The following SCN11A variants were observed in gnomAD, a reference collection of about 807,000 sequenced individuals.
SCN11A encodes sodium voltage-gated channel alpha subunit 11.
SCN11A carries 122 observed loss-of-function variants against 162.2 expected under a neutral mutation model. The ratio of observed to expected loss-of-function variants is 0.75; its 90% CI spans 0.65 to 0.87. The LOEUF (loss-of-function observed/expected upper bound fraction) is 0.87. SCN11A is among the 40% of genes least tolerant of loss of function. The pLI, the probability that SCN11A is intolerant of heterozygous loss-of-function variation, is 0.00. For synonymous variants in SCN11A, 758 were observed against 751.5 expected, an observed-to-expected ratio of 1.01 and a Z score of -0.14; for missense variants, 2,015 against 2,181.6, an observed-to-expected ratio of 0.92 and a Z score of 1.52.
intron 1 of SCN11A, among the ~76,000 whole-genome samples, chr3:39,039,783 T>C (rs745449341): frequency 6.6e-6 from 1 of 151,918 alleles, no homozygotes; most frequent in Non-Finnish European, 1.5e-5. Flanking sequence ...TCAGCCCACC[T>C]AGAGGCTGTC....
chr3:38,967,506 G>A (rs375664054), intron 2 of SCN11A, among the ~76,000 whole-genome samples: 33 of 152,246 alleles, frequency 2.2e-4, no homozygotes, highest in Middle Eastern at 3.4e-3. Flanking sequence ...TCTATTTTCA[G>A]GAGTTCATTT....
chr3:38,912,642 T>A (rs2065901468), intron 11 of SCN11A, among the ~76,000 whole-genome samples: 1 of 152,118 alleles, frequency 6.6e-6, no homozygotes, highest in African/African-American at 2.4e-5. Context: ...CCCTTCATCC[T>A]CAAGTAGGTC....
intron 7 of SCN11A, among the ~76,000 whole-genome samples, chr3:38,929,104 C>T (rs557146468): frequency 9.4e-4 from 131 of 139,936 alleles, no homozygotes; most frequent in South Asian, 6.9e-3. Context: ...TTTTATATTC[C>T]CACACTGTCA....
Position 38,908,132 on chromosome 3 carries a change from G to T in SCN11A, c.1300-10C>A. ...CCATGGCAACCAGAGCCTTCAAATTGAACAAAAGCAATTAAAGAACAGATT... is the reference window on the plus strand; with the variant it reads ...CCATGGCAACCAGAGCCTTCAAATTTAACAAAAGCAATTAAAGAACAGATT... On this transcript the variant is annotated splice_polypyrimidine_tract_variant and intron_variant, in intron 13 of 29. Coordinates refer to ENST00000302328, the MANE Select transcript of SCN11A (RefSeq NM_001349253.2). 4 of 1,606,128 alleles carry T rather than the reference G, an allele frequency of 2.5e-6. No homozygotes were observed. The South Asian group carries it at 3.4e-5, about 14-fold the overall frequency.
intron 27 of SCN11A, among the ~76,000 whole-genome samples, chr3:38,864,709 A>G (rs539337598): frequency 6.6e-6 from 1 of 152,284 alleles, no homozygotes; most frequent in East Asian, 1.9e-4. Flanking sequence ...ACAAAGAAAC[A>G]AACAGTTTTT....
At chr3:38,865,664 T>C (rs777027833) in intron 27 of SCN11A, among the ~76,000 whole-genome samples, 6 of 152,124 alleles carry the variant, frequency 3.9e-5, no homozygotes, top group Non-Finnish European at 5.9e-5. Flanking sequence ...AAAATACTAA[T>C]GTCTATAAGT....
Position 38,908,089 on chromosome 3 carries a change from G to T in SCN11A, c.1333C>A (p.Leu445Ile), listed in dbSNP as rs767707818. 6.2e-7 allele frequency: 1 copy of T among 1,612,708 alleles called. No individual in the cohort carries two copies. The highest frequency in any genetic ancestry group is 8.5e-7 in the Non-Finnish European group (1 of 1,179,710). Residue 445 changes from leucine (L) to isoleucine (I), a missense_variant, in exon 14 of 30, where the codon CTT becomes ATT. Transcript: ENST00000302328. Reference protein sequence around the residue: ...LVAMGIDRSSLTSLETSYFTP... With the variant: ...LVAMGIDRSSITSLETSYFTP... Reference sequence around the variant, plus strand: ...AAATATGATGTTTCAAGGGAAGTAAGTGAACTTCTGTCAATTCCCATGGCA... The same window carrying T: ...AAATATGATGTTTCAAGGGAAGTAATTGAACTTCTGTCAATTCCCATGGCA...
intron 28 of SCN11A, 149 bp downstream of exon 28, chr3:38,863,046 T>C (rs1368559851): frequency 2.2e-5 from 13 of 578,076 alleles, no homozygotes; most frequent in Non-Finnish European, 3.7e-5. Flanking sequence ...AGTATCTAAT[T>C]TTCCTAAGTG....
intron 2 of SCN11A, among the ~76,000 whole-genome samples, chr3:39,011,235 A>G (rs2031125568): frequency 2.0e-5 from 3 of 152,230 alleles, no homozygotes; most frequent in African/African-American, 7.2e-5. Flanking sequence ...TTATAAATTG[A>G]TACATGAAGG....
intron 2 of SCN11A, among the ~76,000 whole-genome samples, chr3:38,989,949 G>A (rs2125593850): frequency 6.6e-6 from 1 of 151,982 alleles, no homozygotes; most frequent in African/African-American, 2.4e-5. Context: ...GCTTTCCAGA[G>A]GCTCACACAG....
rs1400167259 is a variant in SCN11A at position 38,883,291 on chromosome 3, T to G, written c.3161A>C (p.Lys1054Thr). 6.2e-7 allele frequency: 1 copy of G among 1,613,976 alleles called. No individual in the cohort carries two copies. The highest frequency in any genetic ancestry group is 8.5e-7 in the Non-Finnish European group (1 of 1,179,882). ...NLRKTCYQIV[K>T]HSWFESFIIF... Reference sequence around the variant, plus strand: ...AATAAAGCTCTCAAACCAGCTGTGTTTCACTATTTGGTAGCAGGTTTTCCG... The same window carrying G: ...AATAAAGCTCTCAAACCAGCTGTGTGTCACTATTTGGTAGCAGGTTTTCCG... The change falls in exon 22 of 30, where the codon AAA becomes ACA. Residue 1054 changes from lysine to threonine, a missense_variant. Lys to Thr is a moderately conservative substitution (Grantham distance 78, BLOSUM62 -1). Coordinates refer to ENST00000302328, the MANE Select transcript of SCN11A (RefSeq NM_001349253.2).
Position 38,846,559 on chromosome 3 carries a change from T to C in SCN11A, c.*135A>G, listed in dbSNP as rs1325962036. 1.5e-6 allele frequency: 1 copy of C among 672,868 alleles called. No homozygotes were observed. Among genetic ancestry groups the C allele is most frequent in the Non-Finnish European group, 2.6e-6 (1 of 383,944 alleles). The allele number at this position is 672,868 out of a possible 1,614,324, so 41.7% of individuals were successfully genotyped here. A position where few individuals can be genotyped will look rare whatever the true frequency, so the allele number is the denominator to read the frequency against. On this transcript the variant is annotated 3_prime_UTR_variant, in exon 30 of 30. Coordinates refer to ENST00000302328, the MANE Select transcript of SCN11A (RefSeq NM_001349253.2). ...TAAAATGAAATTGAAATATCATTTA[T>C]TTTAGCCAGAAAAGAAAATGGAATG...
intron 2 of SCN11A, among the ~76,000 whole-genome samples, chr3:39,027,268 C>T (rs563458798): frequency 6.6e-6 from 1 of 152,296 alleles, no homozygotes; most frequent in South Asian, 2.1e-4. Context: ...GTCATGCTTG[C>T]AAAGCCAGTG....
At chr3:39,045,563 T>C (rs1304904570) in intron 1 of SCN11A, among the ~76,000 whole-genome samples, 2 of 152,144 alleles carry the variant, frequency 1.3e-5, no homozygotes, top group African/African-American at 4.8e-5. Flanking sequence ...TCTTAATCAA[T>C]GCAGAAAAGG....
At chr3:38,960,257 G>T (rs1298252848) in intron 3 of SCN11A, among the ~76,000 whole-genome samples, 26 bp downstream of exon 3, 1 of 152,182 alleles carries the variant, frequency 6.6e-6, no homozygotes, top group Non-Finnish European at 1.5e-5. Context: ...AACAGAACAG[G>T]CCTGCACCCG....
intron 10 of SCN11A, among the ~76,000 whole-genome samples, chr3:38,920,276 C>CCTGG (rs1196206774): frequency 2.6e-5 from 4 of 152,058 alleles, no homozygotes; most frequent in Non-Finnish European, 5.9e-5. Flanking sequence ...GAAGATCCTC[C>CCTGG]CTGGGGGAAG....
At chr3:38,937,418 C>T (rs1467739703) in intron 7 of SCN11A, among the ~76,000 whole-genome samples, 4 of 149,632 alleles carry the variant, frequency 2.7e-5, no homozygotes, top group East Asian at 1.9e-4. Context: ...AAGAAACTAC[C>T]GTCAGAGTTA....
chr3:39,051,508 G>A (rs1400833334), intron 1 of SCN11A, among the ~76,000 whole-genome samples: 1 of 152,004 alleles, frequency 6.6e-6, no homozygotes, highest in Admixed American at 6.5e-5. Flanking sequence ...CGGATTCTTT[G>A]CTCCCCCTGA....
chr3:38,896,387 C>T (rs1183429060), intron 18 of SCN11A, among the ~76,000 whole-genome samples: 1 of 152,202 alleles, frequency 6.6e-6, no homozygotes, highest in African/African-American at 2.4e-5. Context: ...AATTCCACCA[C>T]AGCTCTAAGC....
Sources: allele counts gnomAD v4.1 joint callset (sites outside exome capture counted in the v4.1 genomes callset), GRCh38; gene constraint gnomAD v4.1.1; transcripts MANE v1.5; gene names NCBI Gene and HGNC (gene_info 2026-07-23, HGNC 2026-07-21).